The following SLC10A7 variants were observed in gnomAD, a reference collection of about 807,000 sequenced individuals.
SLC10A7 encodes the protein sodium/bile acid cotransporter 7.
SLC10A7 carries 29 observed loss-of-function variants against 43.2 expected under a neutral mutation model. The ratio of observed to expected loss-of-function variants is 0.67; its 90% CI spans 0.50 to 0.92. SLC10A7 has a LOEUF of 0.92. Ranked by LOEUF, SLC10A7 falls within the 40% of genes least tolerant of loss-of-function variation. SLC10A7 has a pLI of 0.00. For missense variants in SLC10A7, 295 were observed against 403.2 expected (o/e 0.73, Z 2.30); for synonymous variants, 152 against 144.8 (o/e 1.05, Z -0.35).
intron 5 of SLC10A7, among the ~76,000 whole-genome samples, chr4:146,362,721 T>G (rs1031760288): frequency 6.6e-6 from 1 of 152,066 alleles, no homozygotes; most frequent in Non-Finnish European, 1.5e-5. Flanking sequence ...GTGAAATGAA[T>G]GAATTTAAAG....
chr4:146,519,110 TATA>T (rs1450524151), intron 1 of SLC10A7, among the ~76,000 whole-genome samples: 26 of 16,684 alleles, frequency 1.6e-3, no homozygotes, highest in Non-Finnish European at 2.4e-3. Flanking sequence ...TATATATATA[TATA>T]ATATAATATA....
At chr4:146,467,454 A>AACACACAC (rs35773390) in intron 4 of SLC10A7, among the ~76,000 whole-genome samples, 139 of 140,804 alleles carry the variant, frequency 9.9e-4, no homozygotes, top group African/African-American at 2.2e-3. Flanking sequence ...AGCAGGTTTA[A>AACACACAC]ACACACACAC....
At chr4:146,304,704 TGC>T (rs1731418986) in intron 7 of SLC10A7, among the ~76,000 whole-genome samples, 14 of 152,118 alleles carry the variant, frequency 9.2e-5, no homozygotes, top group Admixed American at 5.9e-4. Context: ...TGTGGTGTGG[TGC>T]TGAAAAAAAT....
At chr4:146,472,440 T>G (rs1004341885) in intron 4 of SLC10A7, among the ~76,000 whole-genome samples, 3 of 151,420 alleles carry the variant, frequency 2.0e-5, no homozygotes, top group African/African-American at 4.8e-5. Context: ...TATTCTGTTT[T>G]TTTTTTTTTT....
At chr4:146,375,058 T>C (rs1287876084) in intron 5 of SLC10A7, among the ~76,000 whole-genome samples, 2 of 151,706 alleles carry the variant, frequency 1.3e-5, no homozygotes, top group East Asian at 3.9e-4. Context: ...AAACAAAAAT[T>C]AACCAGGCAT....
At chr4:146,476,893 A>C (rs1734073093) in intron 4 of SLC10A7, among the ~76,000 whole-genome samples, 1 of 152,192 alleles carries the variant, frequency 6.6e-6, no homozygotes, top group Non-Finnish European at 1.5e-5. Context: ...ACAGGTGTAA[A>C]GAGTGAAAAA....
intron 5 of SLC10A7, among the ~76,000 whole-genome samples, chr4:146,348,575 A>G (rs1229035390): frequency 6.6e-6 from 1 of 152,170 alleles, no homozygotes; most frequent in Non-Finnish European, 1.5e-5. Context: ...CCTGTAGGGT[A>G]TTTGACAAGC....
chr4:146,361,433 T>C (rs1291598692), intron 5 of SLC10A7, among the ~76,000 whole-genome samples: 2 of 152,178 alleles, frequency 1.3e-5, no homozygotes, highest in African/African-American at 2.4e-5. Context: ...CCGACTTGCC[T>C]GGTAATCCAG....
At chr4:146,259,348 C>T (rs1728076616) in intron 10 of SLC10A7, among the ~76,000 whole-genome samples, 1 of 152,118 alleles carries the variant, frequency 6.6e-6, no homozygotes, top group Non-Finnish European at 1.5e-5. Context: ...GTCAACTGGA[C>T]CTTAAAGGAT....
chr4:146,464,834 G>A (rs1323917677), intron 4 of SLC10A7, among the ~76,000 whole-genome samples: 5 of 152,008 alleles, frequency 3.3e-5, no homozygotes, highest in Non-Finnish European at 5.9e-5. Flanking sequence ...AGCCACAGAC[G>A]GTATCTTAGA....
chr4:146,338,477 A>G (rs371786908), intron 5 of SLC10A7, among the ~76,000 whole-genome samples: 1 of 152,090 alleles, frequency 6.6e-6, no homozygotes, highest in African/African-American at 2.4e-5. Context: ...TGGTTCCAGA[A>G]TCCAAGATCT....
At chr4:146,432,542 G>T (rs181782444) in intron 5 of SLC10A7, among the ~76,000 whole-genome samples, 1 of 152,072 alleles carries the variant, frequency 6.6e-6, no homozygotes, top group African/African-American at 2.4e-5. Flanking sequence ...TCTAGAAAAA[G>T]GCAAAAGTAT....
rs139169735 is a variant in SLC10A7 at position 146,433,829 on chromosome 4, G to T, written c.435+8954C>A. On this transcript the variant is annotated intron_variant, in intron 5 of 11. Coordinates refer to ENST00000335472, the MANE Select transcript of SLC10A7 (RefSeq NM_001029998.6). ...ATCATGCCACTGAACTTCATCCTGGGTGACAGAGCCAAACCCTGTCTCAAA... is the reference window on the plus strand; with the variant it reads ...ATCATGCCACTGAACTTCATCCTGGTTGACAGAGCCAAACCCTGTCTCAAA... Among the ~76,000 whole-genome samples, 733 of 152,240 alleles carry T rather than the reference G, an allele frequency of 4.8e-3. 2 individuals carry two copies. Among genetic ancestry groups the T allele is most frequent in the Non-Finnish European group, 7.3e-3 (498 of 68,022 alleles).
At chr4:146,390,749 C>T (rs1404527741) in intron 5 of SLC10A7, among the ~76,000 whole-genome samples, 1 of 152,128 alleles carries the variant, frequency 6.6e-6, no homozygotes, top group Non-Finnish European at 1.5e-5. Context: ...TCCCCTCCTG[C>T]TTTACCAGTT....
At chr4:146,387,705 T>C (rs2679127) in intron 5 of SLC10A7, among the ~76,000 whole-genome samples, 84 of 152,332 alleles carry the variant, frequency 5.5e-4, no homozygotes, top group African/African-American at 1.8e-3. Context: ...AAAGGACCCC[T>C]AGCTTTGATA....
At chr4:146,338,082 C>T (rs1734011291) in intron 5 of SLC10A7, among the ~76,000 whole-genome samples, 1 of 151,816 alleles carries the variant, frequency 6.6e-6, no homozygotes, top group African/African-American at 2.4e-5. Context: ...CACAACAGTG[C>T]CTGGCAAATA....
intron 4 of SLC10A7, among the ~76,000 whole-genome samples, chr4:146,448,831 G>T (rs1169386549): frequency 6.6e-6 from 1 of 152,164 alleles, no homozygotes; most frequent in Non-Finnish European, 1.5e-5. Flanking sequence ...ACATACCTTG[G>T]TATTTATAAA....
At chr4:146,288,824 G>T (rs77332581) in intron 9 of SLC10A7, among the ~76,000 whole-genome samples, 69 of 152,132 alleles carry the variant, frequency 4.5e-4, no homozygotes, top group African/African-American at 1.5e-3. Context: ...TGTTTTTAAT[G>T]ATTCTTTTGA....
intron 1 of SLC10A7, among the ~76,000 whole-genome samples, chr4:146,517,417 C>T (rs1738117575): frequency 6.6e-6 from 1 of 152,050 alleles, no homozygotes; most frequent in African/African-American, 2.4e-5. Context: ...GAGCTGAGAT[C>T]ACGCCATTGC....
Sources: allele counts gnomAD v4.1 joint callset (sites outside exome capture counted in the v4.1 genomes callset), GRCh38; gene constraint gnomAD v4.1.1; transcripts MANE v1.5; gene names NCBI Gene and HGNC (gene_info 2026-07-23, HGNC 2026-07-21).